MACROD2: variants seen among roughly 807,000 people sequenced by gnomAD.
The protein encoded by MACROD2 is ADP-ribose glycohydrolase MACROD2.
MACROD2 carries 36 observed loss-of-function variants against 70.4 expected under a neutral mutation model. The observed-to-expected ratio is 0.51, with a 90% CI of 0.39 to 0.68. The LOEUF (loss-of-function observed/expected upper bound fraction) is 0.68, where lower values mean the gene tolerates loss of function less well. MACROD2 is among the 30% of genes least tolerant of loss of function. MACROD2 has a pLI of 0.00. For missense variants in MACROD2, 496 were observed against 538.4 expected (o/e 0.92, Z 0.78); for synonymous variants, 172 against 178.8 (o/e 0.96, Z 0.30).
intron 8 of MACROD2, among the ~76,000 whole-genome samples, chr20:15,822,391 T>C (rs2147104165): frequency 6.6e-6 from 1 of 152,304 alleles, no homozygotes. Flanking sequence ...GTTGAATTTT[T>C]CTTTATTGTT....
intron 5 of MACROD2, among the ~76,000 whole-genome samples, chr20:15,139,306 T>C (rs1191674370): frequency 6.6e-6 from 1 of 152,136 alleles, no homozygotes; most frequent in Non-Finnish European, 1.5e-5. Context: ...CCAACTGTTT[T>C]GCACCAGCAT....
At chr20:15,302,361 T>C (rs2077653548) in intron 6 of MACROD2, among the ~76,000 whole-genome samples, 1 of 136,548 alleles carries the variant, frequency 7.3e-6, no homozygotes, top group Admixed American at 7.1e-5. Flanking sequence ...GCAGATAAAA[T>C]ACACACACAC....
chr20:15,995,866 T>G (rs923309970), intron 15 of MACROD2, among the ~76,000 whole-genome samples: 4 of 151,488 alleles, frequency 2.6e-5, no homozygotes, highest in African/African-American at 9.7e-5. Context: ...GAGGTGTGTG[T>G]GTGTGTGTGT....
intron 3 of MACROD2, among the ~76,000 whole-genome samples, chr20:14,485,884 G>T (rs1185826621): frequency 6.6e-6 from 1 of 151,684 alleles, no homozygotes; most frequent in Non-Finnish European, 1.5e-5. Flanking sequence ...CATTAACAAA[G>T]TAAACACTCT....
chr20:14,689,678 A>G (rs931865185), intron 5 of MACROD2, among the ~76,000 whole-genome samples: 1 of 152,160 alleles, frequency 6.6e-6, no homozygotes, highest in African/African-American at 2.4e-5. Flanking sequence ...CAGTTCAAAT[A>G]TCACTTCTGC....
chr20:15,519,277 A>AT (rs536621952), intron 8 of MACROD2, among the ~76,000 whole-genome samples: 5 of 151,858 alleles, frequency 3.3e-5, no homozygotes, highest in East Asian at 1.9e-4. Flanking sequence ...CACCCGGCTA[A>AT]TTTTTTTTGT....
intron 3 of MACROD2, among the ~76,000 whole-genome samples, chr20:14,333,397 C>T (rs940219182): frequency 5.9e-5 from 9 of 152,078 alleles, no homozygotes; most frequent in African/African-American, 1.2e-4. Flanking sequence ...GGATATTATC[C>T]GTCAGCATAG....
intron 8 of MACROD2, among the ~76,000 whole-genome samples, chr20:15,665,989 T>TA (rs11484133): frequency 0.57 from 84,773 of 148,722 alleles, 24,200 homozygotes; most frequent in East Asian, 0.85. Flanking sequence ...GAGAAAATAG[T>TA]AAAAAAAAAA....
intron 8 of MACROD2, among the ~76,000 whole-genome samples, chr20:15,785,239 C>G (rs1410496784): frequency 6.6e-6 from 1 of 151,788 alleles, no homozygotes; most frequent in Non-Finnish European, 1.5e-5. Flanking sequence ...ACAAGAGCCA[C>G]TAAAAGCAGT....
At chr20:15,637,220 G>GTATTA (rs3071292) in intron 8 of MACROD2, among the ~76,000 whole-genome samples, 114,269 of 151,528 alleles carry the variant, frequency 0.75, 43,864 homozygotes, top group Non-Finnish European at 0.84. Context: ...TTTACTTGCT[G>GTATTA]TATTAATTCT....
chr20:15,691,933 G>A (rs1791990222), intron 8 of MACROD2, among the ~76,000 whole-genome samples: 1 of 152,180 alleles, frequency 6.6e-6, no homozygotes, highest in Non-Finnish European at 1.5e-5. Context: ...CACCTGCAGA[G>A]AATATTCTGA....
intron 10 of MACROD2, among the ~76,000 whole-genome samples, chr20:15,920,742 G>A (rs1027648826): frequency 1.3e-5 from 2 of 152,148 alleles, no homozygotes; most frequent in Admixed American, 1.3e-4. Flanking sequence ...TCTGCTCCCT[G>A]CTAGCTATGG....
intron 5 of MACROD2, among the ~76,000 whole-genome samples, chr20:15,048,290 C>T (rs1429657489): frequency 6.6e-6 from 1 of 151,948 alleles, no homozygotes; most frequent in East Asian, 1.9e-4. Flanking sequence ...CAAAAACAAA[C>T]ACACAAACAA....
chr20:14,369,440 T>G (rs1284507978), intron 3 of MACROD2, among the ~76,000 whole-genome samples: 1 of 152,340 alleles, frequency 6.6e-6, no homozygotes, highest in South Asian at 2.1e-4. Context: ...CATACTTTTC[T>G]TACTGTTTTT....
At chr20:14,355,085 CAGAAT>C (rs2083160035) in intron 3 of MACROD2, among the ~76,000 whole-genome samples, 1 of 152,114 alleles carries the variant, frequency 6.6e-6, no homozygotes, top group African/African-American at 2.4e-5. Flanking sequence ...AACAGTGTTG[CAGAAT>C]AGAAACTGGT....
intron 8 of MACROD2, among the ~76,000 whole-genome samples, chr20:15,573,683 T>C (rs1237996886): frequency 6.6e-6 from 1 of 152,120 alleles, no homozygotes; most frequent in East Asian, 1.9e-4. Flanking sequence ...TTTGGTTCCT[T>C]AGGCCTCATC....
chr20:14,150,194 T>G (rs576501283), intron 3 of MACROD2, among the ~76,000 whole-genome samples: 157 of 152,200 alleles, frequency 1.0e-3, no homozygotes, highest in Admixed American at 3.3e-3. Context: ...CTTCACTAAC[T>G]ATGCTCAAAG....
rs758692352 is a variant in MACROD2 at position 14,591,024 on chromosome 20, A to C, written c.302-93819A>C. Among the ~76,000 whole-genome samples, 79 of 152,162 alleles carry C rather than the reference A, an allele frequency of 5.2e-4. 1 individual carries two copies. The highest frequency in any genetic ancestry group is 2.1e-4 in the Non-Finnish European group (14 of 68,012). Reference sequence around the variant, plus strand: ...TAGATACATTTTGATGTTATACGAAACTGTATTTTTCTACCATAGCAGTTA... The same window carrying C: ...TAGATACATTTTGATGTTATACGAACCTGTATTTTTCTACCATAGCAGTTA... On this transcript the variant is annotated intron_variant, in intron 4 of 17. Transcript: ENST00000684519.
chr20:14,076,150 G>A (rs141087481), intron 2 of MACROD2, among the ~76,000 whole-genome samples: 6 of 152,152 alleles, frequency 3.9e-5, no homozygotes, highest in African/African-American at 7.2e-5. Context: ...ATCTGTTTGC[G>A]GCTATCTGCG....
Sources: gnomAD v4.1 joint callset for allele counts (sites outside exome capture counted in the v4.1 genomes callset) on GRCh38, gnomAD v4.1.1 for gene constraint, MANE v1.5 for transcripts, NCBI Gene and HGNC (gene_info 2026-07-23, HGNC 2026-07-21) for gene names.